COL23A1: variants seen among roughly 807,000 people sequenced by gnomAD.
COL23A1 encodes the protein collagen type XXIII alpha 1 chain.
Under a neutral mutation model 99.3 loss-of-function variants are expected in COL23A1, and 97 were observed. The observed-to-expected ratio is 0.98, with a 90% confidence interval of 0.83 to 1.16. COL23A1 has a LOEUF of 1.16. COL23A1 is among the 50% of genes most tolerant of loss of function. The pLI is 0.00. For missense variants in COL23A1, 762 were observed against 757.4 expected (o/e 1.01, Z -0.07); for synonymous variants, 320 against 308.2 (o/e 1.04, Z -0.40).
At chr5:178,497,069 C>G (rs558846391) in intron 2 of COL23A1, among the ~76,000 whole-genome samples, 22 of 152,296 alleles carry the variant, frequency 1.4e-4, no homozygotes, top group African/African-American at 5.3e-4. Context: ...TCTCAGAACT[C>G]TACGTCTGGT....
At chr5:178,531,170 A>G (rs1383335350) in intron 2 of COL23A1, among the ~76,000 whole-genome samples, 1 of 152,206 alleles carries the variant, frequency 6.6e-6, no homozygotes, top group Non-Finnish European at 1.5e-5. Flanking sequence ...CCTGGCTGAA[A>G]TAAGCATTTT....
chr5:178,313,988 A>G lies in COL23A1; in HGVS notation c.362-7069T>C, dbSNP rs1396494773. ...CAACAAGGGAGCATTCTCTCTGCAC[A>G]TTCCCAGCTTGGCCTCACAAAGCCC... is the stretch of plus-strand genomic sequence containing the variant. On this transcript the variant is annotated intron_variant, in intron 2 of 28. Transcript: ENST00000390654. The surrounding 1 kb of genome is among the most constrained non-coding windows in gnomAD (Gnocchi z 4.2). Among the ~76,000 whole-genome samples, 1 of 152,068 alleles carries G rather than the reference A, an allele frequency of 6.6e-6. No homozygotes were observed. The highest frequency in any genetic ancestry group is 1.5e-5 in the Non-Finnish European group (1 of 68,020).
At chr5:178,528,874 T>A (rs76830513) in intron 2 of COL23A1, among the ~76,000 whole-genome samples, 5,244 of 152,258 alleles carry the variant, frequency 0.034, 292 homozygotes, top group African/African-American at 0.12. Flanking sequence ...GAAGAGGTGT[T>A]TTGTGTCCAC....
intron 2 of COL23A1, among the ~76,000 whole-genome samples, chr5:178,513,726 G>A (rs1164381117): frequency 6.6e-6 from 1 of 152,110 alleles, no homozygotes; most frequent in Non-Finnish European, 1.5e-5. Context: ...TTGTGCTGCA[G>A]TAATTGAGGG....
intron 6 of COL23A1, among the ~76,000 whole-genome samples, chr5:178,269,431 C>T: frequency 8.4e-6 from 1 of 119,018 alleles, no homozygotes; most frequent in Admixed American, 8.6e-5. Flanking sequence ...GTCCATCCAC[C>T]CACCCACCCA....
intron 2 of COL23A1, among the ~76,000 whole-genome samples, chr5:178,451,115 T>TA (rs1767463259): frequency 6.6e-6 from 1 of 152,192 alleles, no homozygotes; most frequent in Admixed American, 6.5e-5. Context: ...GCTTTCCTGT[T>TA]AAAAAAGTGG....
At chr5:178,465,139 G>C (rs1225944849) in intron 2 of COL23A1, among the ~76,000 whole-genome samples, 2 of 152,198 alleles carry the variant, frequency 1.3e-5, no homozygotes, top group Non-Finnish European at 2.9e-5. Context: ...AGTGGCAAAA[G>C]AAAATAGCAT....
chr5:178,442,920 T>C (rs1316986217), intron 2 of COL23A1: 1 of 152,196 alleles, frequency 6.6e-6, no homozygotes, highest in African/African-American at 2.4e-5. Flanking sequence ...CCTCCCACGG[T>C]CTCACCGAAC....
chr5:178,508,685 A>G (rs536691), intron 2 of COL23A1, among the ~76,000 whole-genome samples: 89,163 of 151,226 alleles, frequency 0.59, 26,895 homozygotes, highest in East Asian at 0.88. Context: ...GGGAGAGGCC[A>G]CTCCACCAAC....
chr5:178,311,472 G>A (rs1050538672), intron 2 of COL23A1, among the ~76,000 whole-genome samples: 1 of 151,068 alleles, frequency 6.6e-6, no homozygotes, highest in Non-Finnish European at 1.5e-5. Flanking sequence ...TAATGTAAGT[G>A]GGTTCTTTCC....
At chr5:178,425,558 C>T (rs1765882975) in intron 2 of COL23A1, among the ~76,000 whole-genome samples, 5 of 152,026 alleles carry the variant, frequency 3.3e-5, no homozygotes, top group Admixed American at 3.3e-4. Context: ...AACATTGACA[C>T]CACAGGGCAG....
At chr5:178,247,942 G>A (rs1764801981) in intron 20 of COL23A1, 111 bp from the exon 21 acceptor site, 1 of 1,009,436 alleles carries the variant, frequency 9.9e-7, no homozygotes, top group Admixed American at 2.6e-5. Context: ...GCCCCCCAGA[G>A]GGCAGAGTCT....
At chr5:178,554,276 T>G (rs1219799636) in intron 2 of COL23A1, among the ~76,000 whole-genome samples, 3 of 152,032 alleles carry the variant, frequency 2.0e-5, no homozygotes, top group African/African-American at 7.2e-5. Flanking sequence ...CCTCCTGAGT[T>G]CAAGCAATCC....
chr5:178,323,582 C>T (rs991151322), intron 2 of COL23A1, among the ~76,000 whole-genome samples: 1 of 152,128 alleles, frequency 6.6e-6, no homozygotes, highest in African/African-American at 2.4e-5. Context: ...AAGCTGGGAG[C>T]CCCTGCTGGG....
At chr5:178,256,070 G>A (rs138570360) in intron 15 of COL23A1, among the ~76,000 whole-genome samples, 1 of 152,230 alleles carries the variant, frequency 6.6e-6, no homozygotes, top group East Asian at 1.9e-4. Flanking sequence ...CATAAAGAAA[G>A]GAATTTAGGT....
chr5:178,572,882 C>A (rs1241515717), intron 1 of COL23A1, among the ~76,000 whole-genome samples: 1 of 152,196 alleles, frequency 6.6e-6, no homozygotes, highest in Non-Finnish European at 1.5e-5. Flanking sequence ...AAAAGCAGTT[C>A]TTTGTATAAG....
At chr5:178,554,908 C>T (rs1175757399) in intron 2 of COL23A1, among the ~76,000 whole-genome samples, 1 of 152,154 alleles carries the variant, frequency 6.6e-6, no homozygotes, top group Admixed American at 6.5e-5. Context: ...CAAGATTAAA[C>T]ACAACAACCA....
chr5:178,590,073 A>G lies in COL23A1; in HGVS notation c.125T>C (p.Leu42Pro). 7.5e-7 allele frequency: 1 copy of G among 1,328,234 alleles called. No homozygotes were observed. Among genetic ancestry groups the G allele is most frequent in the Non-Finnish European group, 9.7e-7 (1 of 1,035,170 alleles). 82.3% of individuals were successfully genotyped at this position (1,328,234 alleles called of 1,614,324 possible). ...GGCAGCCGCCGAGCCCACGGAGAGC[A>G]GCAGGCACAGCGCGCTCACCGCCCG... ...GSRAVSALCL[L>P]LSVGSAAACL... The change falls in exon 1 of 29, where the codon CTG (leucine) becomes CCG (proline). Residue 42 changes from leucine (L) to proline (P), a missense_variant. Physicochemically the swap from Leu to Pro is moderately conservative, Grantham distance 98. Transcript: ENST00000390654. The surrounding 1 kb of genome is among the most constrained non-coding windows in gnomAD (Gnocchi z 5.7).
intron 2 of COL23A1, among the ~76,000 whole-genome samples, chr5:178,337,998 C>G (rs555761270): frequency 6.6e-6 from 1 of 152,154 alleles, no homozygotes; most frequent in African/African-American, 2.4e-5. Flanking sequence ...CTCCTGACAA[C>G]TCCGTGAAGT....
Sources: gnomAD v4.1 joint callset for allele counts (sites outside exome capture counted in the v4.1 genomes callset) on GRCh38, gnomAD v4.1.1 for gene constraint, Gnocchi (gnomAD v3.1) non-coding constraint, MANE v1.5 for transcripts, NCBI Gene and HGNC (gene_info 2026-07-23, HGNC 2026-07-21) for gene names.